Variants in WBP1L observed in about 807,000 individuals in gnomAD.
WBP1L encodes the protein WW domain binding protein 1 like.
In WBP1L, 17 loss-of-function variants were observed where a neutral mutation model predicts 33.7. That is an observed-to-expected ratio of 0.50 (90% CI 0.34 to 0.76). The LOEUF is 0.76. WBP1L is among the 30% of genes least tolerant of loss of function. The pLI, the probability that WBP1L is intolerant of heterozygous loss-of-function variation, is 0.01. For missense variants in WBP1L, 389 were observed against 469.4 expected (o/e 0.83, Z 1.58); for synonymous variants, 173 against 190.8 (o/e 0.91, Z 0.77).
chr10:102,760,486 C>T (rs1447409488), intron 1 of WBP1L, among the ~76,000 whole-genome samples: 1 of 151,080 alleles, frequency 6.6e-6, no homozygotes, highest in Non-Finnish European at 1.5e-5. Context: ...AAGCGATTCT[C>T]CTGCCTCAGC....
At chr10:102,766,377 G>T (rs1204330580) in intron 1 of WBP1L, among the ~76,000 whole-genome samples, 2 of 145,780 alleles carry the variant, frequency 1.4e-5, no homozygotes, top group African/African-American at 5.1e-5. Flanking sequence ...GGAGGCGGAG[G>T]TTGCAGTTAG....
chr10:102,805,607 GT>G (rs1564769411), intron 2 of WBP1L, among the ~76,000 whole-genome samples: 1 of 152,048 alleles, frequency 6.6e-6, no homozygotes, highest in African/African-American at 2.4e-5. Flanking sequence ...AAATTTTAAA[GT>G]TTGGCCATCT....
intron 1 of WBP1L, among the ~76,000 whole-genome samples, chr10:102,774,801 T>C (rs542426716): frequency 6.6e-6 from 1 of 152,232 alleles, no homozygotes; most frequent in South Asian, 2.1e-4. Flanking sequence ...TTGCTTTGAG[T>C]CCTGGACAGT....
At chr10:102,785,025 G>A (rs756500611) in intron 1 of WBP1L, among the ~76,000 whole-genome samples, 14 of 151,746 alleles carry the variant, frequency 9.2e-5, no homozygotes, top group East Asian at 1.9e-4. Context: ...ACAGGCACCC[G>A]CCATCATGCC....
At chr10:102,753,569 G>A (rs76680883) in intron 1 of WBP1L, among the ~76,000 whole-genome samples, 1,801 of 152,236 alleles carry the variant, frequency 0.012, 30 homozygotes, top group African/African-American at 0.041. Context: ...GGGTTTTTGG[G>A]ATATGCTTGC....
At chr10:102,799,283 G>C (rs975071490) in intron 2 of WBP1L, among the ~76,000 whole-genome samples, 7 of 151,638 alleles carry the variant, frequency 4.6e-5, no homozygotes, top group Non-Finnish European at 7.4e-5. Context: ...CCGAGGTTGC[G>C]CCACTGCACT....
chr10:102,802,952 A>G (rs1843679338), intron 2 of WBP1L, among the ~76,000 whole-genome samples: 1 of 152,234 alleles, frequency 6.6e-6, no homozygotes, highest in Non-Finnish European at 1.5e-5. Context: ...TATACTACAT[A>G]TATTAACTCA....
rs186136360 is a variant in WBP1L at position 102,807,732 on chromosome 10, T to C, written c.194-2161T>C. ...ATTTTATTTTGTCATCTGCTTTTTTTCATTTAATATCAGAAACTCTTTGTA... is the reference window on the plus strand; with the variant it reads ...ATTTTATTTTGTCATCTGCTTTTTTCCATTTAATATCAGAAACTCTTTGTA... On this transcript the variant is annotated intron_variant, in intron 2 of 3. Coordinates refer to ENST00000448841, the MANE Select transcript of WBP1L (RefSeq NM_001083913.2). Among the ~76,000 whole-genome samples the C allele has an allele frequency of 4.2e-3, 635 of 152,200 alleles. 4 individuals carry two copies. Among genetic ancestry groups the C allele is most frequent in the African/African-American group, 0.015 (609 of 41,546 alleles).
chr10:102,771,948 T>A (rs1446909833), intron 1 of WBP1L, among the ~76,000 whole-genome samples: 1 of 150,078 alleles, frequency 6.7e-6, no homozygotes, highest in African/African-American at 2.5e-5. Context: ...CATAAGTAGT[T>A]GTTAATCTGC....
chr10:102,801,508 A>G (rs898059147), intron 2 of WBP1L, among the ~76,000 whole-genome samples: 1 of 152,230 alleles, frequency 6.6e-6, no homozygotes, highest in African/African-American at 2.4e-5. Context: ...CTGGAGAGAC[A>G]GAATTCTTAC....
intron 1 of WBP1L, among the ~76,000 whole-genome samples, chr10:102,778,425 G>A (rs1843294588): frequency 6.6e-6 from 1 of 152,192 alleles, no homozygotes; most frequent in Admixed American, 6.5e-5. Flanking sequence ...CTTGTGTCCA[G>A]TTACTTGGAC....
intron 2 of WBP1L, among the ~76,000 whole-genome samples, chr10:102,804,411 T>TTTTC (rs1273876327): frequency 1.3e-5 from 2 of 149,706 alleles, no homozygotes; most frequent in African/African-American, 4.9e-5. Flanking sequence ...AAAAAGCCCT[T>TTTTC]TTTTTTTTAA....
At chr10:102,749,394 C>T (rs2134023896) in intron 1 of WBP1L, among the ~76,000 whole-genome samples, 1 of 152,212 alleles carries the variant, frequency 6.6e-6, no homozygotes, top group African/African-American at 2.4e-5. Flanking sequence ...CCTCAGCCTC[C>T]CAAGGAGCTA....
intron 1 of WBP1L, among the ~76,000 whole-genome samples, chr10:102,750,116 GAT>G (rs1439245490): frequency 6.6e-6 from 1 of 151,434 alleles, no homozygotes; most frequent in Non-Finnish European, 1.5e-5. Context: ...ACTTTATTGA[GAT>G]ATAATCAGGT....
At chr10:102,746,791 C>T (rs555563049) in intron 1 of WBP1L, among the ~76,000 whole-genome samples, 10 of 152,252 alleles carry the variant, frequency 6.6e-5, no homozygotes, top group Admixed American at 3.9e-4. Context: ...GTATTGGTAC[C>T]TTATTGCATT....
intron 1 of WBP1L, among the ~76,000 whole-genome samples, chr10:102,777,056 C>T (rs901808984): frequency 2.6e-5 from 4 of 152,144 alleles, no homozygotes; most frequent in Non-Finnish European, 4.4e-5. Flanking sequence ...AGTGGGAGCA[C>T]TGCATTCATT....
chr10:102,808,521 C>T (rs1564770225), intron 2 of WBP1L, among the ~76,000 whole-genome samples: 1 of 137,104 alleles, frequency 7.3e-6, no homozygotes. Context: ...CCACCCTTCC[C>T]TGGAGCAGGG....
At chr10:102,798,515 C>T (rs937366953) in intron 2 of WBP1L, among the ~76,000 whole-genome samples, 1 of 152,128 alleles carries the variant, frequency 6.6e-6, no homozygotes, top group African/African-American at 2.4e-5. Flanking sequence ...GCCTCTGCCT[C>T]CCGAGTTCAA....
chr10:102,786,307 T>G (rs1843414398), intron 1 of WBP1L, among the ~76,000 whole-genome samples: 1 of 152,228 alleles, frequency 6.6e-6, no homozygotes, highest in Non-Finnish European at 1.5e-5. Flanking sequence ...GTAACTGTGT[T>G]GGGACACGTT....
Sources: allele counts gnomAD v4.1 joint callset (sites outside exome capture counted in the v4.1 genomes callset), GRCh38; gene constraint gnomAD v4.1.1; transcripts MANE v1.5; gene names NCBI Gene and HGNC (gene_info 2026-07-23, HGNC 2026-07-21).